Variants in ATXN10 observed in about 807,000 individuals in gnomAD.
ATXN10 encodes the protein ataxin 10, also known as ataxin-10.
In ATXN10, 28 loss-of-function variants were observed where a neutral mutation model predicts 52.9. The ratio of observed to expected loss-of-function variants is 0.53; its 90% confidence interval spans 0.39 to 0.73. The LOEUF is 0.73. Among genes scored for constraint, ATXN10 ranks in the 30% least tolerant of loss-of-function variants. The pLI is 0.00. For synonymous variants in ATXN10, 226 were observed against 221.5 expected, an observed-to-expected ratio of 1.02 and a Z score of -0.18; for missense variants, 565 against 577.0, an observed-to-expected ratio of 0.98 and a Z score of 0.21.
chr22:45,739,157 C>T (rs1026119113), intron 8 of ATXN10, among the ~76,000 whole-genome samples: 5 of 151,974 alleles, frequency 3.3e-5, no homozygotes, highest in Non-Finnish European at 7.4e-5. Context: ...GGCAGGTTTG[C>T]GATGATGATT....
At chr22:45,765,462 T>C (rs977027700) in intron 9 of ATXN10, among the ~76,000 whole-genome samples, 10 of 152,298 alleles carry the variant, frequency 6.6e-5, no homozygotes, top group African/African-American at 2.2e-4. Context: ...TATTCCTCTC[T>C]CTCTCCCTAA....
At chr22:45,672,204 C>G in intron 1 of ATXN10, 25 bp downstream of exon 1, 1 of 1,512,500 alleles carries the variant, frequency 6.6e-7, no homozygotes, top group South Asian at 1.2e-5. Flanking sequence ...CGGGGGGCTG[C>G]CCCGGGCAGG....
At chr22:45,752,940 G>C (rs1038852612) in intron 9 of ATXN10, among the ~76,000 whole-genome samples, 11 of 151,942 alleles carry the variant, frequency 7.2e-5, no homozygotes, top group Non-Finnish European at 1.2e-4. Flanking sequence ...TCCCATGTTG[G>C]TCAGGGTGGT....
rs530268332 is a variant in ATXN10, at chr22:45,726,668, T to C, written c.729-2757T>C. ...GTTCTGCTCTGATCTTTGTTATTTCTTTTCTTTTGCTAGCTTTGGGTTTGG... is the reference window on the plus strand; with the variant it reads ...GTTCTGCTCTGATCTTTGTTATTTCCTTTCTTTTGCTAGCTTTGGGTTTGG... On this transcript the variant is annotated intron_variant, in intron 6 of 11. Transcript: ENST00000252934. Among the ~76,000 whole-genome samples, 6 of 152,342 alleles carry C rather than the reference T, an allele frequency of 3.9e-5. No homozygotes were observed. In the South Asian group the frequency reaches 1.0e-3, roughly 26 times the overall value.
At position 45,766,312 on chromosome 22, in the gene ATXN10, C is replaced by T. The variant is rs1926579923; in HGVS notation, c.1173+25774C>T. ...TTAGAGTCTCACAGGAGCGTGAATACTGTTGTGAACTGTGCATGCGAGGGA... is the reference window on the plus strand; with the variant it reads ...TTAGAGTCTCACAGGAGCGTGAATATTGTTGTGAACTGTGCATGCGAGGGA... On this transcript the variant is annotated intron_variant, in intron 9 of 11. Coordinates refer to ENST00000252934, the MANE Select transcript of ATXN10 (RefSeq NM_013236.4). The surrounding 1 kb of genome is among the most constrained non-coding windows in gnomAD (Gnocchi z 4.6). Among the ~76,000 whole-genome samples, 2 of 152,166 alleles carry T rather than the reference C, an allele frequency of 1.3e-5. No homozygotes were observed. The highest frequency in any genetic ancestry group is 4.8e-5 in the African/African-American group (2 of 41,438).
intron 9 of ATXN10, among the ~76,000 whole-genome samples, chr22:45,802,662 C>T (rs9626200): frequency 6.6e-6 from 1 of 152,198 alleles, no homozygotes; most frequent in Non-Finnish European, 1.5e-5. Flanking sequence ...TATCCAGGAA[C>T]GCATACCCTC....
rs574196520 is a variant in ATXN10 at position 45,835,216 on chromosome 22, G to A, written c.1238-7775G>A. Among the ~76,000 whole-genome samples the A allele has an allele frequency of 4.6e-5, 7 of 152,252 alleles. No individual in the cohort carries two copies. Among genetic ancestry groups the A allele is most frequent in the East Asian group, 1.9e-4 (1 of 5,174 alleles). ...CCCATGACTTCACTGCCAGATGGACGGGCTCATGGGTCCTGCTTTGCCTGG... is the reference window on the plus strand; with the variant it reads ...CCCATGACTTCACTGCCAGATGGACAGGCTCATGGGTCCTGCTTTGCCTGG... On this transcript the variant is annotated intron_variant, in intron 10 of 11. Transcript: ENST00000252934. The surrounding 1 kb of genome is among the most constrained non-coding windows in gnomAD (Gnocchi z 5.0).
intron 10 of ATXN10, among the ~76,000 whole-genome samples, chr22:45,839,851 G>A (rs1929287669): frequency 1.3e-5 from 2 of 152,126 alleles, no homozygotes; most frequent in South Asian, 4.1e-4. Flanking sequence ...GCCCTGGGTC[G>A]GGAAACCACA....
In ATXN10 at chr22:45,759,287, G is replaced by A. The variant is rs1389439275; in HGVS notation, c.1173+18749G>A. On this transcript the variant is annotated intron_variant, in intron 9 of 11. Coordinates refer to ENST00000252934, the MANE Select transcript of ATXN10 (RefSeq NM_013236.4). The surrounding 1 kb of genome is among the most constrained non-coding windows in gnomAD (Gnocchi z 5.4). ...AACACTTTGGGAGGCTGAGGTGGGC[G>A]GATCACCTGAGGTCAGGAGTTCAAG... 6.6e-6 allele frequency among the ~76,000 whole-genome samples: 1 copy of A among 152,178 alleles called. No homozygotes were observed. Among genetic ancestry groups the A allele is most frequent in the Non-Finnish European group, 1.5e-5 (1 of 68,030 alleles).
Position 45,843,711 on chromosome 22 carries a change from T to C in ATXN10, c.*40T>C. The stretch of plus-strand genomic sequence containing the variant: ...AATACCTGAATTTTTGGAATCTGTT[T>C]CATGGATTTTTCATCTTCTACCGTA... On this transcript the variant is annotated 3_prime_UTR_variant, in exon 12 of 12. Transcript: ENST00000252934. This position sits in a 1 kb window ranked among gnomAD's most constrained non-coding sequence, Gnocchi z 4.5. 6.3e-7 allele frequency: 1 copy of C among 1,596,808 alleles called. No homozygotes were observed. Among genetic ancestry groups the C allele is most frequent in the Non-Finnish European group, 8.6e-7 (1 of 1,165,700 alleles).
rs1490781882 is a variant in ATXN10 at position 45,843,179 on chromosome 22, G to GT, written c.1425+2dup. ...ATCTACTAGAGACACCCCTAAGCCA[G>GT]TAAGTACCCTCGAGGGAACTGTCCT... On this transcript the variant is annotated splice_donor_variant, in intron 11 of 11. Coordinates refer to ENST00000252934, the MANE Select transcript of ATXN10 (RefSeq NM_013236.4). LOFTEE classifies it high-confidence loss of function. This position sits in a 1 kb window ranked among gnomAD's most constrained non-coding sequence, Gnocchi z 4.5. 6.2e-7 allele frequency: 1 copy of GT among 1,613,946 alleles called. No individual in the cohort carries two copies.
chr22:45,692,933 A>G, intron 2 of ATXN10, 63 bp from the exon 3 acceptor site: 1 of 1,371,412 alleles, frequency 7.3e-7, no homozygotes, highest in Non-Finnish European at 1.0e-6. Flanking sequence ...TAGTGCAAAA[A>G]CAGCCATAGA....
At chr22:45,801,395 T>G (rs1388980383) in intron 9 of ATXN10, among the ~76,000 whole-genome samples, 1 of 152,230 alleles carries the variant, frequency 6.6e-6, no homozygotes, top group East Asian at 1.9e-4. Context: ...TTTTTACTTC[T>G]GCTTGAGTCA....
intron 9 of ATXN10, among the ~76,000 whole-genome samples, chr22:45,796,718 G>A (rs989158083): frequency 2.6e-5 from 4 of 152,138 alleles, no homozygotes; most frequent in African/African-American, 7.2e-5. Context: ...GACTGGTCTC[G>A]AACTCCTGAC....
At chr22:45,811,568 G>A (rs189003488) in intron 10 of ATXN10, 488 of 370,982 alleles carry the variant, frequency 1.3e-3, no homozygotes, top group Non-Finnish European at 2.0e-3. Context: ...ATGCTATACA[G>A]TTCTATAGTC....
chr22:45,793,026 C>T (rs1375439134), intron 9 of ATXN10: 1 of 289,244 alleles, frequency 3.5e-6, no homozygotes, highest in Non-Finnish European at 7.2e-6. Flanking sequence ...CCAGCCAGGC[C>T]TTTTGCAGGC....
chr22:45,692,219 T>C (rs1483805906), intron 2 of ATXN10, among the ~76,000 whole-genome samples: 1 of 152,238 alleles, frequency 6.6e-6, no homozygotes, highest in Non-Finnish European at 1.5e-5. Context: ...TTGAGTAATA[T>C]ATGCAAACTA....
intron 9 of ATXN10, among the ~76,000 whole-genome samples, chr22:45,752,811 G>C (rs549747822): frequency 1.3e-5 from 2 of 151,572 alleles, no homozygotes; most frequent in Non-Finnish European, 2.9e-5. Flanking sequence ...CGATCTCGAC[G>C]CAACCTCCGC....
chr22:45,673,802 C>T (rs569932359), intron 1 of ATXN10: 1 of 152,034 alleles, frequency 6.6e-6, no homozygotes, highest in East Asian at 1.9e-4. Context: ...GATGAGAGGA[C>T]TAGAGGGAAC....
Sources: gnomAD v4.1 joint callset for allele counts (sites outside exome capture counted in the v4.1 genomes callset) on GRCh38, gnomAD v4.1.1 for gene constraint, Gnocchi (gnomAD v3.1) non-coding constraint, MANE v1.5 for transcripts, NCBI Gene and HGNC (gene_info 2026-07-23, HGNC 2026-07-21) for gene names.